FCHSD2: variants seen among roughly 807,000 people sequenced by gnomAD.
FCHSD2 encodes FCH and double SH3 domains 2.
In FCHSD2, 38 loss-of-function variants were observed where a neutral mutation model predicts 108.1. The observed-to-expected ratio is 0.35, with a 90% CI of 0.27 to 0.46. FCHSD2 has a LOEUF of 0.46. Ranked by LOEUF, FCHSD2 falls within the 20% of genes least tolerant of loss-of-function variation. The pLI, the probability that FCHSD2 is intolerant of heterozygous loss-of-function variation, is 1.00. For synonymous variants in FCHSD2, 279 were observed against 314.7 expected, an observed-to-expected ratio of 0.89 and a Z score of 1.20; for missense variants, 751 against 897.8, an observed-to-expected ratio of 0.84 and a Z score of 2.09.
intron 3 of FCHSD2, among the ~76,000 whole-genome samples, chr11:73,064,621 G>A (rs766062337): frequency 1.4e-4 from 21 of 151,946 alleles, no homozygotes; most frequent in Non-Finnish European, 1.3e-4. Flanking sequence ...TGATTCTGTG[G>A]GATCAGTGGT....
chr11:72,995,900 A>T (rs2135412231), intron 5 of FCHSD2, among the ~76,000 whole-genome samples: 1 of 152,278 alleles, frequency 6.6e-6, no homozygotes, highest in South Asian at 2.1e-4. Context: ...TAAGAAAAAA[A>T]TTTAAAAAGT....
intron 13 of FCHSD2, among the ~76,000 whole-genome samples, chr11:72,861,519 T>C (rs1861575468): frequency 6.6e-6 from 1 of 152,142 alleles, no homozygotes; most frequent in African/African-American, 2.4e-5. Flanking sequence ...GAGAGGATAC[T>C]TTTCAAATCA....
At chr11:72,996,180 A>G (rs1857515889) in intron 5 of FCHSD2, among the ~76,000 whole-genome samples, 1 of 152,196 alleles carries the variant, frequency 6.6e-6, no homozygotes, top group Admixed American at 6.5e-5. Context: ...AGCATTGTAC[A>G]GGATTTGGAA....
chr11:72,904,790 T>G (rs181477925), intron 9 of FCHSD2, among the ~76,000 whole-genome samples: 220 of 152,336 alleles, frequency 1.4e-3, no homozygotes, highest in Non-Finnish European at 2.6e-3. Context: ...TACTAGTTTC[T>G]TCATCTATCT....
At chr11:72,929,664 T>G (rs1304438663) in intron 8 of FCHSD2, among the ~76,000 whole-genome samples, 1 of 152,208 alleles carries the variant, frequency 6.6e-6, no homozygotes, top group Non-Finnish European at 1.5e-5. Context: ...GGTTTGTGAT[T>G]AGAAGGCAGA....
intron 2 of FCHSD2, among the ~76,000 whole-genome samples, chr11:73,108,552 T>G (rs767329293): frequency 2.7e-4 from 3 of 10,980 alleles, no homozygotes; most frequent in East Asian, 1.2e-3. Context: ...TAGATTTAAG[T>G]TTTTTTTTTT....
chr11:72,968,604 T>C (rs1021574498), intron 8 of FCHSD2, among the ~76,000 whole-genome samples: 1 of 152,224 alleles, frequency 6.6e-6, no homozygotes, highest in East Asian at 1.9e-4. Context: ...AGATGATAAA[T>C]TACAATATCC....
At chr11:73,006,233 C>T (rs575657192) in intron 4 of FCHSD2, among the ~76,000 whole-genome samples, 6 of 152,258 alleles carry the variant, frequency 3.9e-5, no homozygotes, top group Admixed American at 2.0e-4. Flanking sequence ...AATTCCTGCC[C>T]AGACACCTTC....
At chr11:73,132,582 G>A (rs891812715) in intron 2 of FCHSD2, among the ~76,000 whole-genome samples, 2 of 152,128 alleles carry the variant, frequency 1.3e-5, no homozygotes, top group Non-Finnish European at 2.9e-5. Flanking sequence ...CAGCACTTTG[G>A]CAGGCTGAGT....
intron 2 of FCHSD2, among the ~76,000 whole-genome samples, chr11:73,110,535 T>C (rs1247016177): frequency 2.6e-5 from 4 of 152,244 alleles, no homozygotes; most frequent in Admixed American, 6.5e-5. Context: ...AGCTGTAATG[T>C]CTCCTTTTTC....
chr11:72,957,544 G>A (rs1398177792), intron 8 of FCHSD2, among the ~76,000 whole-genome samples: 2 of 150,188 alleles, frequency 1.3e-5, no homozygotes, highest in Non-Finnish European at 3.0e-5. Flanking sequence ...AAGAGACATG[G>A]CAACTAGATT....
chr11:72,902,591 T>C lies in FCHSD2; in HGVS notation c.876A>G (p.Val292=), dbSNP rs1449811933. The C allele has an allele frequency of 6.3e-7, 1 of 1,588,352 alleles. No individual in the cohort carries two copies. The highest frequency in any genetic ancestry group is 8.6e-7 in the Non-Finnish European group (1 of 1,166,534). ...NLQLFLQENA[V]FHKPQPFQFQ... ...ACTGGAAGGGCTGGGGTTTGTGAAA[T>C]ACAGCGTTTTCTTGCAAAAACAGCT... Residue 292 remains valine (V), a synonymous_variant, in exon 10 of 20, where the codon GTA becomes GTG. Coordinates refer to ENST00000409418, the MANE Select transcript of FCHSD2 (RefSeq NM_014824.3).
Position 72,961,673 on chromosome 11 carries a change from T to C in FCHSD2, c.705+22415A>G, listed in dbSNP as rs1565343567. Among the ~76,000 whole-genome samples, 3 of 152,230 alleles carry C rather than the reference T, an allele frequency of 2.0e-5. No homozygotes were observed. In the East Asian group the frequency reaches 5.8e-4, roughly 29 times the overall value. The stretch of plus-strand genomic sequence containing the variant: ...GTTTGCCCAAATCTTTCAGAGCAAG[T>C]TATTAAATATACTAGCCTAAAGCAA... On this transcript the variant is annotated intron_variant, in intron 8 of 19. Coordinates refer to ENST00000409418, the MANE Select transcript of FCHSD2 (RefSeq NM_014824.3).
intron 13 of FCHSD2, among the ~76,000 whole-genome samples, 168 bp from the exon 14 acceptor site, chr11:72,850,057 GTTTTTTTTTTTTTTT>G (rs10579880): frequency 1.2e-5 from 1 of 85,498 alleles, no homozygotes; most frequent in Non-Finnish European, 2.2e-5. Context: ...AAAGAATAGA[GTTTTTTTTTTTTTTT>G]TTTTTTTTGA....
intron 3 of FCHSD2, among the ~76,000 whole-genome samples, chr11:73,029,052 T>C (rs1858297543): frequency 6.6e-6 from 1 of 152,046 alleles, no homozygotes; most frequent in African/African-American, 2.4e-5. Context: ...AAGTAGAAAG[T>C]TAGTCAAGAG....
At chr11:73,061,984 TGGG>T (rs1859175164) in intron 3 of FCHSD2, among the ~76,000 whole-genome samples, 1 of 152,100 alleles carries the variant, frequency 6.6e-6, no homozygotes, top group Admixed American at 6.5e-5. Flanking sequence ...CCTCCTCAAG[TGGG>T]TCCCTGACCC....
At chr11:73,138,106 C>T (rs1361979127) in intron 2 of FCHSD2, among the ~76,000 whole-genome samples, 1 of 152,146 alleles carries the variant, frequency 6.6e-6, no homozygotes, top group African/African-American at 2.4e-5. Context: ...AACTAAGCAA[C>T]AGCAACAGGA....
chr11:72,975,065 A>G (rs1313828077), intron 8 of FCHSD2, among the ~76,000 whole-genome samples: 1 of 152,230 alleles, frequency 6.6e-6, no homozygotes, highest in Non-Finnish European at 1.5e-5. Context: ...AAACCGAAAA[A>G]GAACTTGGCT....
chr11:73,004,082 C>G (rs1258395288), intron 4 of FCHSD2, among the ~76,000 whole-genome samples: 2 of 118,678 alleles, frequency 1.7e-5, no homozygotes, highest in African/African-American at 6.6e-5. Context: ...GCACTCCGGC[C>G]TGGGCAAGAG....
Sources: gnomAD v4.1 joint callset for allele counts (sites outside exome capture counted in the v4.1 genomes callset) on GRCh38, gnomAD v4.1.1 for gene constraint, MANE v1.5 for transcripts, NCBI Gene and HGNC (gene_info 2026-07-23, HGNC 2026-07-21) for gene names.